COL20A1: variants seen among roughly 807,000 people sequenced by gnomAD.
The protein encoded by COL20A1 is collagen type XX alpha 1 chain.
A neutral mutation model predicts 152.9 loss-of-function variants in COL20A1; 164 were observed. That is an observed-to-expected ratio of 1.07 (90% CI 0.94 to 1.22). The LOEUF is 1.22. COL20A1 is among the 50% of genes most tolerant of loss of function. COL20A1 has a pLI of 0.00. For synonymous variants in COL20A1, 864 were observed against 756.0 expected (o/e 1.14, Z -2.34); for missense variants, 1,873 against 1,744.8 (o/e 1.07, Z -1.31).
intron 19 of COL20A1, 100 bp downstream of exon 19, chr20:63,314,301 A>C: frequency 9.5e-7 from 1 of 1,055,856 alleles, no homozygotes; most frequent in Non-Finnish European, 1.4e-6. Context: ...CCCCAGACCC[A>C]GCCAACCCCA....
At chr20:63,309,614 G>C (rs1032079462) in intron 9 of COL20A1, 117 bp downstream of exon 9, 2 of 1,241,648 alleles carry the variant, frequency 1.6e-6, no homozygotes, top group African/African-American at 3.1e-5. Flanking sequence ...GGCTCTGAGG[G>C]GGTCTGCAGC....
chr20:63,320,826 G>T (rs1020946661), intron 25 of COL20A1, among the ~76,000 whole-genome samples, 187 bp from the exon 26 acceptor site: 1 of 152,096 alleles, frequency 6.6e-6, no homozygotes, highest in Admixed American at 6.5e-5. Context: ...GGACACACAG[G>T]GGCTCAGTGG....
In COL20A1 at chr20:63,311,563, G is replaced by T; in HGVS notation, c.1539+24G>T. On this transcript the variant is annotated intron_variant, in intron 12 of 35. Coordinates refer to ENST00000358894, the MANE Select transcript of COL20A1 (RefSeq NM_020882.4). This position sits in a 1 kb window ranked among gnomAD's most constrained non-coding sequence, Gnocchi z 4.4. Reference sequence around the variant, plus strand: ...AGGTGAGCTGGGCCGGGGGGTGGCGGGGGAGGCAGAGGAGTGGGGCAGAGC... The same window carrying T: ...AGGTGAGCTGGGCCGGGGGGTGGCGTGGGAGGCAGAGGAGTGGGGCAGAGC... The T allele has an allele frequency of 6.2e-7, 1 of 1,607,628 alleles. No homozygotes were observed.
At position 63,306,126 on chromosome 20, in the gene COL20A1, T is replaced by C; in HGVS notation, c.496+87T>C. On this transcript the variant is annotated intron_variant, in intron 5 of 35. Transcript: ENST00000358894. This position sits in a 1 kb window ranked among gnomAD's most constrained non-coding sequence, Gnocchi z 6.9. ...TTCCCACCATGAGGCCAGGAAGTTC[T>C]TCCTCGTGTCTGACCACACGGTCTC... is the stretch of plus-strand genomic sequence containing the variant. The C allele has an allele frequency of 1.6e-6, 2 of 1,254,444 alleles. No homozygotes were observed. The highest frequency in any genetic ancestry group is 2.2e-6 in the Non-Finnish European group (2 of 906,370). 77.7% of individuals were successfully genotyped at this position (1,254,444 alleles called of 1,614,324 possible). A position where few individuals can be genotyped will look rare whatever the true frequency, so the allele number is the denominator to read the frequency against.
In COL20A1 at chr20:63,328,389, G is replaced by T; in HGVS notation, c.3672G>T (p.Leu1224Phe). Residue 1224 changes from leucine to phenylalanine, a missense_variant, in exon 34 of 36, where the codon TTG becomes TTT. By Grantham distance (22) the Leu-to-Phe change is conservative. Transcript: ENST00000358894. ...HENTRPPMPI[L>F]EQKLEPGTEP... The stretch of plus-strand genomic sequence containing the variant: ...ACACCAGGCCCCCCATGCCCATCTT[G>T]GAGCAGAAGCTGGAGCCGGGCACTG... The T allele has an allele frequency of 6.2e-7, 1 of 1,612,682 alleles. No individual in the cohort carries two copies. The highest frequency in any genetic ancestry group is 8.5e-7 in the Non-Finnish European group (1 of 1,179,644).
In COL20A1 at chr20:63,334,538, C is replaced by T. The variant is rs895271779; in HGVS notation, c.*3822C>T. On this transcript the variant is annotated 3_prime_UTR_variant, in exon 36 of 36. Transcript: ENST00000358894. Reference sequence around the variant, plus strand: ...GCTCAAGTGGTCCTCCTGCTCCGGTCTTCTGAGTAGCAGGAACCACAGGCG... The same window carrying T: ...GCTCAAGTGGTCCTCCTGCTCCGGTTTTCTGAGTAGCAGGAACCACAGGCG... 1 of 152,262 alleles carries T rather than the reference C, an allele frequency of 6.6e-6. No individual in the cohort carries two copies. Among genetic ancestry groups the T allele is most frequent in the African/African-American group, 2.4e-5 (1 of 41,444 alleles). The allele number at this position is 152,262 out of a possible 1,614,324, so 9.4% of individuals were successfully genotyped here.
chr20:63,319,407 G>A lies in COL20A1; in HGVS notation c.2807-80G>A, dbSNP rs1045341607. 199 of 1,211,320 alleles carry A rather than the reference G, an allele frequency of 1.6e-4. 1 individual carries two copies. In the African/African-American group the frequency reaches 2.8e-3, roughly 17 times the overall value. 75.0% of individuals were successfully genotyped at this position (1,211,320 alleles called of 1,614,324 possible). On this transcript the variant is annotated intron_variant, in intron 22 of 35. Coordinates refer to ENST00000358894, the MANE Select transcript of COL20A1 (RefSeq NM_020882.4). The surrounding 1 kb of genome is among the most constrained non-coding windows in gnomAD (Gnocchi z 4.4). ...GCACCCTCAGGGCTGCTCCTGTCCT[G>A]TCGTGGGGGCCGCCCTGCTCAAGGT...
chr20:63,306,034 C>T lies in COL20A1; in HGVS notation c.491C>T (p.Thr164Ile), dbSNP rs2067921633. Reference sequence around the variant, plus strand: ...TTCACACCAAGCCAGGATCCGCGCACTCCTGGTGGGTCAGAGTGGAGAGAG... The same window carrying T: ...TTCACACCAAGCCAGGATCCGCGCATTCCTGGTGGGTCAGAGTGGAGAGAG... ...VAFTPSQDPR[T>I]PAGPQFRCLP... Residue 164 changes from threonine to isoleucine, a missense_variant, in exon 5 of 36, where the codon ACT becomes ATT. Thr to Ile is a moderately conservative substitution (Grantham distance 89). Coordinates refer to ENST00000358894, the MANE Select transcript of COL20A1 (RefSeq NM_020882.4). This position sits in a 1 kb window ranked among gnomAD's most constrained non-coding sequence, Gnocchi z 6.9. 2.5e-6 allele frequency: 4 copies of T among 1,607,400 alleles called. No individual in the cohort carries two copies. The highest frequency in any genetic ancestry group is 3.4e-6 in the Non-Finnish European group (4 of 1,177,336).
At chr20:63,296,006 A>G (rs766809710) in intron 2 of COL20A1, among the ~76,000 whole-genome samples, 1 of 152,206 alleles carries the variant, frequency 6.6e-6, no homozygotes, top group Non-Finnish European at 1.5e-5. Context: ...AAGCACCCCC[A>G]CCAGGGCCTG....
At chr20:63,297,663 G>C (rs2067815343) in intron 2 of COL20A1, among the ~76,000 whole-genome samples, 1 of 152,346 alleles carries the variant, frequency 6.6e-6, no homozygotes, top group East Asian at 1.9e-4. Flanking sequence ...AAAGCTACCA[G>C]GGTGGCCCTG....
chr20:63,328,509 C>T lies in COL20A1; in HGVS notation c.3781+11C>T. On this transcript the variant is annotated intron_variant, in intron 34 of 35. Coordinates refer to ENST00000358894, the MANE Select transcript of COL20A1 (RefSeq NM_020882.4). ...ACCTTGAGGGCAGAGGTACTGGGCT[C>T]CTGGCTCTTGGGGAGGGAGTTGTGG... 1 of 1,601,688 alleles carries T rather than the reference C, an allele frequency of 6.2e-7. No homozygotes were observed. Among genetic ancestry groups the T allele is most frequent in the Non-Finnish European group, 8.5e-7 (1 of 1,173,190 alleles).
At chr20:63,304,881 C>CT (rs1045706051) in intron 3 of COL20A1, among the ~76,000 whole-genome samples, 1 of 152,266 alleles carries the variant, frequency 6.6e-6, no homozygotes, top group Non-Finnish European at 1.5e-5. Context: ...TCTTCTTGCT[C>CT]TTTCCTCTGA....
chr20:63,307,386 CA>C, intron 5 of COL20A1, 103 bp from the exon 6 acceptor site: 1 of 1,142,958 alleles, frequency 8.7e-7, no homozygotes, highest in Non-Finnish European at 1.2e-6. Context: ...AAACCTGGCC[CA>C]GCCTGCCTCA....
intron 5 of COL20A1, among the ~76,000 whole-genome samples, chr20:63,307,013 G>A (rs1485623034): frequency 3.3e-5 from 5 of 152,328 alleles, no homozygotes; most frequent in African/African-American, 4.8e-5. Context: ...TGCTGGCCTC[G>A]TTCAGGCATC....
intron 35 of COL20A1, among the ~76,000 whole-genome samples, chr20:63,330,091 C>T (rs2123442172): frequency 6.6e-6 from 1 of 152,128 alleles, no homozygotes; most frequent in Admixed American, 6.5e-5. Context: ...GCCTGTGAGG[C>T]CCTGGGTATG....
chr20:63,302,627 C>T (rs1484736543), intron 3 of COL20A1, among the ~76,000 whole-genome samples: 1 of 152,158 alleles, frequency 6.6e-6, no homozygotes, highest in East Asian at 1.9e-4. Flanking sequence ...GGTCTTGATG[C>T]ATGTCTTTTA....
intron 19 of COL20A1, among the ~76,000 whole-genome samples, chr20:63,314,951 A>G (rs1213447050): frequency 7.0e-6 from 1 of 142,450 alleles, no homozygotes; most frequent in Non-Finnish European, 1.5e-5. Flanking sequence ...CACACCAGGC[A>G]TCTCCCTGGC....
intron 3 of COL20A1, among the ~76,000 whole-genome samples, chr20:63,299,225 C>T (rs1176481855): frequency 2.0e-5 from 3 of 152,150 alleles, no homozygotes; most frequent in Admixed American, 6.5e-5. Context: ...TTCTGGTGTC[C>T]GTGCGCCTGT....
rs373542787 is a variant in COL20A1, at chr20:63,308,280, G to A, written c.775+190G>A. ...GAAAACGAGGGCCTGTGTCCAGCGC[G>A]TGGCTCCTCTGTTCCACATTAGCAG... On this transcript the variant is annotated intron_variant, in intron 7 of 35. Transcript: ENST00000358894. 5.0e-3 allele frequency among the ~76,000 whole-genome samples: 754 copies of A among 152,308 alleles called. 6 individuals are homozygous for A. The highest frequency in any genetic ancestry group is 0.017 in the African/African-American group (703 of 41,568).
Sources: allele counts gnomAD v4.1 joint callset (sites outside exome capture counted in the v4.1 genomes callset), GRCh38; gene constraint gnomAD v4.1.1; non-coding constraint Gnocchi (gnomAD v3.1); transcripts MANE v1.5; gene names NCBI Gene and HGNC (gene_info 2026-07-23, HGNC 2026-07-21).